FUT8: variants seen among roughly 807,000 people sequenced by gnomAD.
The protein encoded by FUT8 is alpha-(1,6)-fucosyltransferase.
A neutral mutation model predicts 71.3 loss-of-function variants in FUT8; 29 were observed. That is an observed-to-expected ratio of 0.41 (90% CI 0.30 to 0.55). The LOEUF (loss-of-function observed/expected upper bound fraction) is 0.55. Ranked by LOEUF, FUT8 falls within the 20% of genes least tolerant of loss-of-function variation. The probability of loss-of-function intolerance (pLI) is 0.34; values close to 1 mark genes in which losing one functional copy is unlikely to be tolerated. For synonymous variants in FUT8, 254 were observed against 239.3 expected (o/e 1.06, Z -0.57); for missense variants, 544 against 702.1 (o/e 0.77, Z 2.55).
intron 2 of FUT8, among the ~76,000 whole-genome samples, chr14:65,511,489 T>C (rs1882337441): frequency 6.6e-6 from 1 of 151,834 alleles, no homozygotes; most frequent in Non-Finnish European, 1.5e-5. Flanking sequence ...GAAAGTGGGA[T>C]GTTGAAATCT....
intron 2 of FUT8, among the ~76,000 whole-genome samples, chr14:65,499,439 ATTAT>A (rs1041402429): frequency 1.3e-5 from 2 of 152,108 alleles, no homozygotes; most frequent in Admixed American, 6.6e-5. Flanking sequence ...CATGGGGCAA[ATTAT>A]TTAATATCTT....
At chr14:65,620,935 TAGTC>T (rs1889575704) in intron 5 of FUT8, among the ~76,000 whole-genome samples, 1 of 152,212 alleles carries the variant, frequency 6.6e-6, no homozygotes, top group Non-Finnish European at 1.5e-5. Context: ...GCTCATCACT[TAGTC>T]TCTATCAGCC....
intron 7 of FUT8, among the ~76,000 whole-genome samples, chr14:65,670,769 A>G (rs1271756537): frequency 1.3e-5 from 2 of 152,166 alleles, no homozygotes; most frequent in Admixed American, 6.5e-5. Context: ...AGTGTCATGA[A>G]ACTTAATTGA....
chr14:65,357,726 A>T, the FUT8 span, among the ~76,000 whole-genome samples: 1 of 152,196 alleles, frequency 6.6e-6, no homozygotes, highest in Non-Finnish European at 1.5e-5. Flanking sequence ...TCAGTTTCTC[A>T]TCTGCAAAAG....
intron 2 of FUT8, among the ~76,000 whole-genome samples, chr14:65,524,325 C>T (rs1343851683): frequency 1.3e-5 from 2 of 152,136 alleles, no homozygotes; most frequent in East Asian, 1.9e-4. Context: ...ATTTTATTCT[C>T]TTTGTAGCAA....
intron 2 of FUT8, among the ~76,000 whole-genome samples, chr14:65,531,551 G>T (rs1883957989): frequency 6.6e-6 from 1 of 152,132 alleles, no homozygotes; most frequent in African/African-American, 2.4e-5. Context: ...AATTTTAGGT[G>T]AGAAAACTAC....
At chr14:65,620,124 C>T (rs1029393875) in intron 5 of FUT8, among the ~76,000 whole-genome samples, 4 of 151,764 alleles carry the variant, frequency 2.6e-5, no homozygotes, top group East Asian at 1.9e-4. Flanking sequence ...AAAGCTGCTT[C>T]TTTCTGCTTT....
chr14:65,441,670 C>T (rs1279881620), intron 1 of FUT8, among the ~76,000 whole-genome samples: 1 of 141,850 alleles, frequency 7.0e-6, no homozygotes, highest in Admixed American at 7.6e-5. Context: ...TAAGAATTGC[C>T]TGAATCCGGG....
At chr14:65,411,555 C>T (rs963754868), upstream of FUT8, 8 of 171,570 alleles carry the variant, frequency 4.7e-5, no homozygotes, top group Non-Finnish European at 1.0e-4. Flanking sequence ...CTTGACAGGC[C>T]ACTGCCTCTT....
At chr14:65,611,950 C>G (rs1180395729) in intron 3 of FUT8, among the ~76,000 whole-genome samples, 1 of 152,134 alleles carries the variant, frequency 6.6e-6, no homozygotes, top group Non-Finnish European at 1.5e-5. Context: ...CGTGAGCCAC[C>G]GCACCTGGCC....
In FUT8 at chr14:65,603,494, GT is replaced by G. The variant is rs1175828243; in HGVS notation, c.204-12477del. Among the ~76,000 whole-genome samples the G allele has an allele frequency of 6.6e-6, 1 of 151,410 alleles. No homozygotes were observed. Among genetic ancestry groups the G allele is most frequent in the Non-Finnish European group, 1.5e-5 (1 of 67,764 alleles). On this transcript the variant is annotated intron_variant, in intron 3 of 10. Coordinates refer to ENST00000673929, the MANE Select transcript of FUT8 (RefSeq NM_001371533.1). This position sits in a 1 kb window ranked among gnomAD's most constrained non-coding sequence, Gnocchi z 4.5. The stretch of plus-strand genomic sequence containing the variant: ...TTGGTTCCATGTGAATTTTAGAATT[GT>G]TTTTTTCTAATTCTGTAAAGAATGA...
At chr14:65,432,632 C>A (rs750359200) in intron 1 of FUT8, among the ~76,000 whole-genome samples, 2 of 152,128 alleles carry the variant, frequency 1.3e-5, no homozygotes, top group Non-Finnish European at 2.9e-5. Flanking sequence ...GCACAAAATA[C>A]AGGTCATAAA....
At chr14:65,551,475 C>T (rs1464771466) in intron 2 of FUT8, among the ~76,000 whole-genome samples, 1 of 151,958 alleles carries the variant, frequency 6.6e-6, no homozygotes, top group Non-Finnish European at 1.5e-5. Flanking sequence ...CAGCGTGGTG[C>T]CTATAGTTAA....
intron 10 of FUT8, among the ~76,000 whole-genome samples, chr14:65,739,398 G>A (rs1228517454): frequency 3.3e-5 from 5 of 151,994 alleles, no homozygotes; most frequent in African/African-American, 9.7e-5. Flanking sequence ...AAACAGTTCT[G>A]TTATCCACCA....
intron 3 of FUT8, among the ~76,000 whole-genome samples, chr14:65,578,371 CT>C (rs1004053042): frequency 3.3e-5 from 5 of 152,114 alleles, no homozygotes; most frequent in African/African-American, 4.8e-5. Flanking sequence ...TGGGCTATTT[CT>C]TACGTTTCTT....
intron 2 of FUT8, among the ~76,000 whole-genome samples, chr14:65,547,086 A>G (rs1290244778): frequency 6.6e-6 from 1 of 150,470 alleles, no homozygotes; most frequent in Non-Finnish European, 1.5e-5. Context: ...TGCCTCTTAC[A>G]TTCCTAATAT....
intron 10 of FUT8, among the ~76,000 whole-genome samples, chr14:65,739,628 G>C (rs906898941): frequency 6.6e-6 from 1 of 151,990 alleles, no homozygotes; most frequent in Non-Finnish European, 1.5e-5. Flanking sequence ...TTCCTGGCTA[G>C]GGATGACTGA....
At chr14:65,482,840 T>C (rs575532835) in intron 2 of FUT8, among the ~76,000 whole-genome samples, 2 of 152,314 alleles carry the variant, frequency 1.3e-5, no homozygotes, top group South Asian at 2.1e-4. Flanking sequence ...GGAGAAACAC[T>C]GCAGAGAAGT....
chr14:65,671,557 A>C (rs1489122992), intron 7 of FUT8, among the ~76,000 whole-genome samples: 4 of 152,216 alleles, frequency 2.6e-5, no homozygotes, highest in Non-Finnish European at 5.9e-5. Flanking sequence ...AGTCCTTATC[A>C]GTAAACTCAT....
Sources: gnomAD v4.1 joint callset for allele counts (sites outside exome capture counted in the v4.1 genomes callset) on GRCh38, gnomAD v4.1.1 for gene constraint, Gnocchi (gnomAD v3.1) non-coding constraint, MANE v1.5 for transcripts, NCBI Gene and HGNC (gene_info 2026-07-23, HGNC 2026-07-21) for gene names.